The following SOCS2 variants were observed in gnomAD, a reference collection of about 807,000 sequenced individuals.
SOCS2 encodes CIS-2.
Under a neutral mutation model 18.6 loss-of-function variants are expected in SOCS2, and 10 were observed. That is an observed-to-expected ratio of 0.54 (90% CI 0.33 to 0.91). The LOEUF is 0.91. SOCS2 is among the 40% of genes least tolerant of loss of function. The pLI, the probability that SOCS2 is intolerant of heterozygous loss-of-function variation, is 0.02. For missense variants in SOCS2, 231 were observed against 247.2 expected, an observed-to-expected ratio of 0.93 and a Z score of 0.44; for synonymous variants, 104 against 104.0, an observed-to-expected ratio of 1.00 and a Z score of 0.00.
rs758691020 is a variant in SOCS2, at chr12:93,574,810, G to A, written c.228G>A (p.Ser76=). 2.5e-6 allele frequency: 4 copies of A among 1,613,962 alleles called. No homozygotes were observed. The highest frequency in any genetic ancestry group is 3.3e-5 in the Admixed American group (2 of 60,002). ...PEGTFLIRDS[S]HSDYLLTISV... ...GAACTTTCTTGATTAGAGATAGCTCGCATTCAGACTACCTACTAACAATAT... is the reference window on the plus strand; with the variant it reads ...GAACTTTCTTGATTAGAGATAGCTCACATTCAGACTACCTACTAACAATAT... The change falls in exon 2 of 2, where the codon TCG becomes TCA. Residue 76 remains serine, a synonymous_variant. Coordinates refer to ENST00000551556, the MANE Select transcript of SOCS2 (RefSeq NM_001270471.2).
the SOCS2 span, among the ~76,000 whole-genome samples, chr12:93,597,826 A>C: frequency 1.2e-4 from 18 of 152,164 alleles, no homozygotes; most frequent in Middle Eastern, 3.2e-3. Context: ...CTCCCTAGAG[A>C]TAAACTCTAC....
chr12:93,588,442 C>T (rs1954597185), downstream of SOCS2, among the ~76,000 whole-genome samples: 1 of 151,942 alleles, frequency 6.6e-6, no homozygotes, highest in African/African-American at 2.4e-5. Context: ...GCACAGTATT[C>T]TGAGAAGGGG....
At chr12:93,596,831 C>CG in the SOCS2 span, among the ~76,000 whole-genome samples, 1 of 152,048 alleles carries the variant, frequency 6.6e-6, no homozygotes, top group African/African-American at 2.4e-5. Context: ...CTGTCTCAAA[C>CG]AAACAACAAC....
chr12:93,586,146 G>A (rs1165762842), downstream of SOCS2, among the ~76,000 whole-genome samples: 1 of 152,072 alleles, frequency 6.6e-6, no homozygotes. Context: ...AAGAGTTAGG[G>A]CTACTAACCT....
At chr12:93,610,139 G>A in the SOCS2 span, among the ~76,000 whole-genome samples, 2,880 of 152,270 alleles carry the variant, frequency 0.019, 38 homozygotes, top group South Asian at 0.039. Context: ...TCAAACTATA[G>A]CACCCACCAT....
chr12:93,614,424 T>TCC, the SOCS2 span, among the ~76,000 whole-genome samples: 1 of 100,760 alleles, frequency 9.9e-6, no homozygotes, highest in African/African-American at 4.2e-5. Context: ...TTTCTTCCTT[T>TCC]CTTTCCCTTC....
At chr12:93,578,173 G>C (rs1003274604), downstream of SOCS2, among the ~76,000 whole-genome samples, 2 of 152,188 alleles carry the variant, frequency 1.3e-5, no homozygotes, top group South Asian at 4.1e-4. Context: ...CAGCTTATGA[G>C]ATGAGAGGTC....
the SOCS2 span, among the ~76,000 whole-genome samples, chr12:93,605,262 G>A: frequency 1.3e-5 from 2 of 152,104 alleles, no homozygotes; most frequent in African/African-American, 4.8e-5. Context: ...GTTGCCGAGT[G>A]TTACACACAC....
the SOCS2 span, among the ~76,000 whole-genome samples, chr12:93,591,428 T>G: frequency 6.6e-6 from 1 of 152,186 alleles, no homozygotes; most frequent in East Asian, 1.9e-4. Flanking sequence ...TGCGTTCGTG[T>G]GTGGCTGTCT....
downstream of SOCS2, among the ~76,000 whole-genome samples, chr12:93,584,788 G>C (rs913468232): frequency 6.6e-6 from 1 of 151,768 alleles, no homozygotes; most frequent in African/African-American, 2.4e-5. Flanking sequence ...TTGAGACGGA[G>C]TTTCGCTTTT....
intron 1 of SOCS2, 24 bp from the exon 2 acceptor site, chr12:93,574,698 T>C: frequency 6.6e-7 from 1 of 1,525,722 alleles, no homozygotes; most frequent in Non-Finnish European, 8.8e-7. Flanking sequence ...CTCTTTTCTT[T>C]TTCTTTTTGA....
At chr12:93,571,472 T>G (rs1395309822), upstream of SOCS2, 1 of 154,010 alleles carries the variant, frequency 6.5e-6, no homozygotes, top group African/African-American at 2.4e-5. Flanking sequence ...CCATTCAAAT[T>G]AATAATCCTC....
At chr12:93,598,644 A>G in the SOCS2 span, among the ~76,000 whole-genome samples, 4 of 152,224 alleles carry the variant, frequency 2.6e-5, no homozygotes, top group Admixed American at 1.3e-4. Flanking sequence ...TTATGTTGAT[A>G]CTTTTAGATA....
the SOCS2 span, among the ~76,000 whole-genome samples, chr12:93,604,223 A>T: frequency 6.6e-6 from 1 of 152,172 alleles, no homozygotes. Flanking sequence ...AACAAGAAAA[A>T]TAGTTTTTCT....
the SOCS2 span, among the ~76,000 whole-genome samples, chr12:93,590,106 G>T: frequency 2.0e-5 from 3 of 151,940 alleles, no homozygotes; most frequent in African/African-American, 7.3e-5. Flanking sequence ...ACAAAAATTG[G>T]CCTGGTGTGG....
At chr12:93,593,723 T>C in the SOCS2 span, among the ~76,000 whole-genome samples, 1 of 152,284 alleles carries the variant, frequency 6.6e-6, no homozygotes, top group East Asian at 1.9e-4. Flanking sequence ...AGCCCACTCA[T>C]CCTGAAAACT....
At chr12:93,601,837 T>C in the SOCS2 span, among the ~76,000 whole-genome samples, 203 of 152,342 alleles carry the variant, frequency 1.3e-3, no homozygotes, top group Non-Finnish European at 2.4e-3. Context: ...CTTTTTTTTA[T>C]TCCTGCTTCC....
downstream of SOCS2, among the ~76,000 whole-genome samples, chr12:93,585,221 C>T (rs887849795): frequency 1.4e-4 from 22 of 152,092 alleles, no homozygotes; most frequent in Non-Finnish European, 7.4e-5. Context: ...CAACCCCAAA[C>T]TCTCGGTGGC....
At chr12:93,604,670 G>GT in the SOCS2 span, among the ~76,000 whole-genome samples, 191 of 151,998 alleles carry the variant, frequency 1.3e-3, no homozygotes, top group Non-Finnish European at 2.1e-3. Flanking sequence ...ATTTATTTAT[G>GT]TTTTTTTGAG....
Sources: gnomAD v4.1 joint callset for allele counts (sites outside exome capture counted in the v4.1 genomes callset) on GRCh38, gnomAD v4.1.1 for gene constraint, MANE v1.5 for transcripts, NCBI Gene and HGNC (gene_info 2026-07-23, HGNC 2026-07-21) for gene names.